Variants in NRP1 observed in about 807,000 individuals in gnomAD.
NRP1 encodes the protein neuropilin 1.
NRP1 carries 35 observed loss-of-function variants against 106.7 expected under a neutral mutation model. That is an observed-to-expected ratio of 0.33 (90% confidence interval 0.25 to 0.43). The LOEUF is 0.43. NRP1 is among the 20% of genes least tolerant of loss of function. NRP1 has a pLI of 1.00. For missense variants in NRP1, 1,024 were observed against 1,170.4 expected, an observed-to-expected ratio of 0.87 and a Z score of 1.83; for synonymous variants, 437 against 417.9, an observed-to-expected ratio of 1.05 and a Z score of -0.56.
At chr10:33,215,964 A>G (rs975755412) in intron 8 of NRP1, among the ~76,000 whole-genome samples, 3 of 152,080 alleles carry the variant, frequency 2.0e-5, no homozygotes, top group Non-Finnish European at 2.9e-5. Flanking sequence ...TGTTCCCTCC[A>G]CAAGGAATTC....
chr10:33,321,431 T>G (rs1442138785), intron 2 of NRP1, among the ~76,000 whole-genome samples: 1 of 152,186 alleles, frequency 6.6e-6, no homozygotes, highest in East Asian at 1.9e-4. Context: ...ACAGTGATCT[T>G]AGTTAGCCAG....
intron 2 of NRP1, among the ~76,000 whole-genome samples, chr10:33,298,643 T>C (rs959711791): frequency 1.3e-5 from 2 of 152,214 alleles, no homozygotes; most frequent in African/African-American, 4.8e-5. Flanking sequence ...GGTTTTGGCA[T>C]CAGAGGCAGC....
Position 33,256,423 on chromosome 10 carries a change from A to T in NRP1, c.707T>A (p.Ile236Asn). 1 of 1,614,226 alleles carries T rather than the reference A, an allele frequency of 6.2e-7. No homozygotes were observed. The highest frequency in any genetic ancestry group is 8.5e-7 in the Non-Finnish European group (1 of 1,180,034). The change falls in exon 5 of 17, where the codon ATC becomes AAC. Residue 236 changes from isoleucine to asparagine, a missense_variant. Physicochemically the swap from Ile to Asn is moderately radical, Grantham distance 149. This residue lies in a region of NRP1 where 279 missense variants were observed against 327.4 expected (regional missense o/e 0.85). Coordinates refer to ENST00000374867, the MANE Select transcript of NRP1 (RefSeq NM_003873.7). ...RYCGQKTPGR[I>N]RSSSGILSMV... ...GGAGAGAATGCCCGATGAGGATCGGATTCGACCTGGTGTTTTCTGTCCACA... is the reference window on the plus strand; with the variant it reads ...GGAGAGAATGCCCGATGAGGATCGGTTTCGACCTGGTGTTTTCTGTCCACA...
At chr10:33,285,715 C>T (rs1844478241) in intron 2 of NRP1, among the ~76,000 whole-genome samples, 1 of 152,098 alleles carries the variant, frequency 6.6e-6, no homozygotes, top group Admixed American at 6.5e-5. Context: ...GAAATCCCAG[C>T]TACTCTACTC....
chr10:33,331,454 C>A (rs1848280217), intron 1 of NRP1, among the ~76,000 whole-genome samples: 1 of 152,154 alleles, frequency 6.6e-6, no homozygotes. Flanking sequence ...TCCAAATCAA[C>A]AGAGAACAAA....
intron 7 of NRP1, among the ~76,000 whole-genome samples, chr10:33,224,562 T>TC (rs1554784871): frequency 1.3e-5 from 2 of 151,720 alleles, no homozygotes; most frequent in African/African-American, 4.8e-5. Flanking sequence ...TTTTTTTTTT[T>TC]CTTCAACCTT....
At chr10:33,249,269 G>T in intron 6 of NRP1, 1 of 302,560 alleles carries the variant, frequency 3.3e-6, no homozygotes, top group South Asian at 3.0e-5. Flanking sequence ...TGCTTTGCGT[G>T]TCAATGGCTA....
chr10:33,282,742 G>A (rs1196968067), intron 2 of NRP1, among the ~76,000 whole-genome samples: 2 of 151,860 alleles, frequency 1.3e-5, no homozygotes, highest in Non-Finnish European at 2.9e-5. Flanking sequence ...AGGTTGAGCT[G>A]AACTTTTCTT....
chr10:33,226,581 T>G (rs1277561247), intron 6 of NRP1, among the ~76,000 whole-genome samples: 1 of 152,194 alleles, frequency 6.6e-6, no homozygotes, highest in African/African-American at 2.4e-5. Context: ...GTTCAGGCTA[T>G]GATAGGACAG....
At chr10:33,273,711 G>A (rs866194916) in intron 2 of NRP1, among the ~76,000 whole-genome samples, 3 of 152,244 alleles carry the variant, frequency 2.0e-5, no homozygotes, top group Non-Finnish European at 2.9e-5. Flanking sequence ...GCCGCTGGAT[G>A]AGAGCTGGGA....
At chr10:33,230,554 C>T (rs1840031586) in intron 6 of NRP1, among the ~76,000 whole-genome samples, 1 of 151,928 alleles carries the variant, frequency 6.6e-6, no homozygotes, top group Non-Finnish European at 1.5e-5. Flanking sequence ...TGCATAAACA[C>T]ATCTTACTAA....
intron 2 of NRP1, among the ~76,000 whole-genome samples, chr10:33,281,723 A>G (rs988212379): frequency 1.3e-5 from 2 of 152,156 alleles, no homozygotes; most frequent in African/African-American, 4.8e-5. Context: ...AATGATGATT[A>G]CCTTGCAGAA....
chr10:33,212,934 G>A (rs1838426352), intron 9 of NRP1: 1 of 367,850 alleles, frequency 2.7e-6, no homozygotes, highest in African/African-American at 2.0e-5. Flanking sequence ...GCATCCCAAA[G>A]TGCTGGGATT....
At chr10:33,216,927 G>A (rs1838827507) in intron 8 of NRP1, among the ~76,000 whole-genome samples, 1 of 152,028 alleles carries the variant, frequency 6.6e-6, no homozygotes, top group East Asian at 1.9e-4. Flanking sequence ...ACAATGAAAG[G>A]CAGCTGTCAT....
At chr10:33,299,354 C>T (rs921931594) in intron 2 of NRP1, among the ~76,000 whole-genome samples, 1 of 152,158 alleles carries the variant, frequency 6.6e-6, no homozygotes, top group Non-Finnish European at 1.5e-5. Flanking sequence ...GGTCAGACAC[C>T]AGCTGCTGAA....
intron 9 of NRP1, chr10:33,212,065 C>T (rs1838347676): frequency 6.6e-6 from 1 of 152,134 alleles, no homozygotes; most frequent in African/African-American, 2.4e-5. Flanking sequence ...TTAGCCATCA[C>T]TCTAAGTAAA....
intron 6 of NRP1, among the ~76,000 whole-genome samples, chr10:33,246,545 G>A (rs1380422371): frequency 6.6e-6 from 1 of 151,538 alleles, no homozygotes; most frequent in Non-Finnish European, 1.5e-5. Context: ...CCAGATGAAT[G>A]TTTTGGTTGA....
chr10:33,226,651 A>G (rs1839695759), intron 6 of NRP1, among the ~76,000 whole-genome samples: 1 of 152,196 alleles, frequency 6.6e-6, no homozygotes. Context: ...TAATGATAGA[A>G]CAGCTCTTTA....
chr10:33,197,800 C>T, intron 11 of NRP1, 91 bp from the exon 12 acceptor site: 2 of 638,306 alleles, frequency 3.1e-6, no homozygotes, highest in African/African-American at 1.9e-5. Flanking sequence ...CTATCAGAGG[C>T]AAATATTTTC....
Sources: gnomAD v4.1 joint callset for allele counts (sites outside exome capture counted in the v4.1 genomes callset) on GRCh38, gnomAD v4.1.1 for gene constraint, gnomAD v4.1.1 regional missense constraint, MANE v1.5 for transcripts, NCBI Gene and HGNC (gene_info 2026-07-23, HGNC 2026-07-21) for gene names.